CFAP74: variants seen among roughly 807,000 people sequenced by gnomAD.
CFAP74 encodes cilia- and flagella-associated protein 74.
CFAP74 carries 124 observed loss-of-function variants against 188.9 expected under a neutral mutation model. The ratio of observed to expected loss-of-function variants is 0.66; its 90% CI spans 0.57 to 0.76. The LOEUF (loss-of-function observed/expected upper bound fraction) is 0.76, where lower values mean the gene tolerates loss of function less well. Ranked by LOEUF, CFAP74 falls within the 30% of genes least tolerant of loss-of-function variation. CFAP74 has a pLI of 0.00. For synonymous variants in CFAP74, 956 were observed against 916.7 expected, an observed-to-expected ratio of 1.04 and a Z score of -0.77; for missense variants, 2,198 against 2,165.2, an observed-to-expected ratio of 1.02 and a Z score of -0.30.
chr1:1,926,310 A>G lies in CFAP74; in HGVS notation c.3866T>C (p.Val1289Ala). The change falls in exon 32 of 39, where the codon GTC becomes GCC. Residue 1289 changes from valine to alanine, a missense_variant. By Grantham distance (64) the Val-to-Ala change is moderately conservative (BLOSUM62 0). Transcript: ENST00000682832. ...FSLLNPNGPF[V>A]LLNHSSLLRA... ...CAGCAGGCTGGAGTGGTTCAGCAGG[A>G]CAAAGGGGCCGTTGGGGTTCAGCAG... 2 of 1,547,634 alleles carry G rather than the reference A, an allele frequency of 1.3e-6. No homozygotes were observed. Among genetic ancestry groups the G allele is most frequent in the Non-Finnish European group, 1.7e-6 (2 of 1,145,388 alleles).
intron 19 of CFAP74, 107 bp downstream of exon 19, chr1:1,946,883 G>A: frequency 1.2e-6 from 1 of 862,102 alleles, no homozygotes. Context: ...TCAAACGCAA[G>A]GGCCACCTAG....
Position 1,960,228 on chromosome 1 carries a change from G to A in CFAP74, c.1695-198C>T, listed in dbSNP as rs930835514. The A allele has an allele frequency of 5.7e-5, 33 of 582,554 alleles. No individual in the cohort carries two copies. In the East Asian group the frequency reaches 6.4e-4, roughly 11 times the overall value. 36.1% of individuals were successfully genotyped at this position (582,554 alleles called of 1,614,324 possible). On this transcript the variant is annotated intron_variant, in intron 14 of 38. Transcript: ENST00000682832. ...TGCCGCCAGTACCTGGCAGGCAGGGGGCGCTCCAGTGTGTGCGAACGTTTG... is the reference window on the plus strand; with the variant it reads ...TGCCGCCAGTACCTGGCAGGCAGGGAGCGCTCCAGTGTGTGCGAACGTTTG...
In CFAP74 at chr1:1,966,494, A is replaced by C; in HGVS notation, c.1278T>G (p.Ser426=). The C allele has an allele frequency of 1.9e-6, 3 of 1,596,488 alleles. No individual in the cohort carries two copies. Among genetic ancestry groups the C allele is most frequent in the Non-Finnish European group, 2.6e-6 (3 of 1,169,358 alleles). The change falls in exon 12 of 39, where the codon TCT becomes TCG. Residue 426 remains serine (S), a synonymous_variant. Coordinates refer to ENST00000682832, the MANE Select transcript of CFAP74 (RefSeq NM_001304360.2). ...CACTGGAAACGACTTCCAGCAACCG[A>C]GAGGGCCCGGGGCCTGCAGCAGCCT... ...DYEAAAGPGP[S]RLLEVVSSEL...
At chr1:1,938,330 GCACT>G (rs920171568) in intron 25 of CFAP74, among the ~76,000 whole-genome samples, 5 of 99,662 alleles carry the variant, frequency 5.0e-5, no homozygotes, top group African/African-American at 1.8e-4. Context: ...CACACACAAG[GCACT>G]CACACACACA....
chr1:2,001,370 C>T (rs566345513), intron 1 of CFAP74, among the ~76,000 whole-genome samples: 1 of 151,744 alleles, frequency 6.6e-6, no homozygotes, highest in South Asian at 2.1e-4. Context: ...CGCTCTGTCG[C>T]CCAGGCTGGA....
intron 9 of CFAP74, 95 bp from the exon 10 acceptor site, chr1:1,970,911 G>GCACACGTGCA (rs1261871748): frequency 1.4e-6 from 2 of 1,444,970 alleles, no homozygotes; most frequent in East Asian, 2.3e-5. Context: ...GTTCATACAT[G>GCACACGTGCA]CACACGTGCA....
chr1:1,946,914 G>A (rs1435525110), intron 19 of CFAP74, 76 bp downstream of exon 19: 1 of 1,163,462 alleles, frequency 8.6e-7, no homozygotes, highest in Non-Finnish European at 1.2e-6. Flanking sequence ...CAGTGGGTTG[G>A]GGTGCAGCTG....
At chr1:2,001,904 T>C (rs1658228742) in intron 1 of CFAP74, among the ~76,000 whole-genome samples, 1 of 152,082 alleles carries the variant, frequency 6.6e-6, no homozygotes, top group African/African-American at 2.4e-5. Context: ...GGTGTCAGGG[T>C]CATGACAGCC....
chr1:1,963,456 CAAAAAAAAAAAAA>C (rs772909618), intron 14 of CFAP74, among the ~76,000 whole-genome samples: 25 of 32,882 alleles, frequency 7.6e-4, no homozygotes, highest in African/African-American at 2.6e-3. Context: ...GACTCCATCT[CAAAAAAAAAAAAA>C]AAAAAAAAAA....
At chr1:1,967,118 G>C (rs1655525828) in intron 11 of CFAP74, among the ~76,000 whole-genome samples, 1 of 152,222 alleles carries the variant, frequency 6.6e-6, no homozygotes, top group South Asian at 2.1e-4. Flanking sequence ...TTACAGGTGT[G>C]AGCCACCGCG....
intron 28 of CFAP74, 171 bp from the exon 29 acceptor site, chr1:1,927,199 G>C: frequency 1.4e-6 from 1 of 728,636 alleles, no homozygotes; most frequent in Non-Finnish European, 2.2e-6. Flanking sequence ...CTCCTGTGGG[G>C]GTCTCATCAC....
rs1558039137 is a variant in CFAP74 at position 1,969,240 on chromosome 1, GCCCTGCCCAGCCCTGCCCAA to G, written c.1047-427_1047-408del. ...GCCCAGCCCTGCCCTGCCCAACCCA[GCCCTGCCCAGCCCTGCCCAA>G]CCCAGCCCTGCCCTGCCCTGCCCAG... On this transcript the variant is annotated intron_variant, in intron 10 of 38. Transcript: ENST00000682832. Among the ~76,000 whole-genome samples the G allele has an allele frequency of 1.9e-4, 8 of 42,256 alleles. No individual in the cohort carries two copies. The East Asian group carries it at 5.2e-3, about 27-fold the overall frequency. The allele number at this position is 42,256 out of a possible 152,430, so 27.7% of individuals were successfully genotyped here. A position where few individuals can be genotyped will look rare whatever the true frequency, so the allele number is the denominator to read the frequency against.
chr1:1,956,778 G>C lies in CFAP74; in HGVS notation c.1858C>G (p.Leu620Val). 6.2e-7 allele frequency: 1 copy of C among 1,612,446 alleles called. No individual in the cohort carries two copies. The highest frequency in any genetic ancestry group is 8.5e-7 in the Non-Finnish European group (1 of 1,179,210). ...CCGAAGTCAATGAGCTCCTTGTCGA[G>C]GGACAGCTGCCAGAGGACATGGAGT... ...KCSTKKCSLS[L>V]DKELIDFGSY... The change falls in exon 17 of 39, where the codon CTC (leucine) becomes GTC (valine). Residue 620 changes from leucine (L) to valine (V), a missense_variant. By Grantham distance (32) the Leu-to-Val change is conservative. Coordinates refer to ENST00000682832, the MANE Select transcript of CFAP74 (RefSeq NM_001304360.2).
intron 18 of CFAP74, among the ~76,000 whole-genome samples, chr1:1,952,352 TAAAAAA>T (rs111449449): frequency 3.7e-5 from 5 of 135,716 alleles, no homozygotes; most frequent in Admixed American, 3.7e-4. Context: ...AGTATAAAAT[TAAAAAA>T]AAAAAAGAAA....
At position 1,922,226 on chromosome 1, in the gene CFAP74, C is replaced by A; in HGVS notation, c.*61G>T. 7.5e-7 allele frequency: 1 copy of A among 1,337,470 alleles called. No homozygotes were observed. Among genetic ancestry groups the A allele is most frequent in the Non-Finnish European group, 1.1e-6 (1 of 942,700 alleles). 82.9% of individuals were successfully genotyped at this position (1,337,470 alleles called of 1,614,324 possible). A position where few individuals can be genotyped will look rare whatever the true frequency, so the allele number is the denominator to read the frequency against. On this transcript the variant is annotated 3_prime_UTR_variant, in exon 39 of 39. Transcript: ENST00000682832. ...GGCTCTAGGGTAGTATGACCTGGCC[C>A]TCAGCCTGGGGAGGGCTTTGAGGGT...
At chr1:1,954,291 C>T (rs927809282) in intron 18 of CFAP74, 7 of 152,228 alleles carry the variant, frequency 4.6e-5, no homozygotes, top group Admixed American at 4.6e-4. Context: ...CTGGGCTGTC[C>T]AGTAGGGCAG....
intron 12 of CFAP74, among the ~76,000 whole-genome samples, chr1:1,966,066 C>T (rs1030720949): frequency 3.3e-5 from 5 of 152,250 alleles, no homozygotes; most frequent in African/African-American, 1.2e-4. Flanking sequence ...TTCCCTCAGC[C>T]TTTCAGCTTT....
intron 25 of CFAP74, among the ~76,000 whole-genome samples, chr1:1,933,474 C>G (rs1181446956): frequency 6.6e-6 from 1 of 152,212 alleles, no homozygotes; most frequent in Non-Finnish European, 1.5e-5. Context: ...GCCACCGCAC[C>G]CGGCCCAACT....
intron 10 of CFAP74, among the ~76,000 whole-genome samples, chr1:1,969,838 C>T (rs919324614): frequency 4.6e-5 from 7 of 152,176 alleles, no homozygotes; most frequent in Non-Finnish European, 8.8e-5. Context: ...CAGGAGCCCC[C>T]GCCCAGGCAG....
Sources: gnomAD v4.1 joint callset for allele counts (sites outside exome capture counted in the v4.1 genomes callset) on GRCh38, gnomAD v4.1.1 for gene constraint, MANE v1.5 for transcripts, NCBI Gene and HGNC (gene_info 2026-07-23, HGNC 2026-07-21) for gene names.